DNAH6: variants seen among roughly 807,000 people sequenced by gnomAD.
The protein encoded by DNAH6 is axonemal beta dynein heavy chain 6.
Under a neutral mutation model 491.4 loss-of-function variants are expected in DNAH6, and 340 were observed. The ratio of observed to expected loss-of-function variants is 0.69; its 90% CI spans 0.63 to 0.76. DNAH6 has a LOEUF of 0.76. Among genes scored for constraint, DNAH6 ranks in the 30% least tolerant of loss-of-function variants. The pLI, the probability that DNAH6 is intolerant of heterozygous loss-of-function variation, is 0.00. For synonymous variants in DNAH6, 1,603 were observed against 1,686.1 expected (o/e 0.95, Z 1.21); for missense variants, 4,443 against 4,972.2 (o/e 0.89, Z 3.20).
chr2:84,785,875 G>C, intron 67 of DNAH6, 119 bp downstream of exon 67: 1 of 1,066,922 alleles, frequency 9.4e-7, no homozygotes, highest in Non-Finnish European at 1.3e-6. Flanking sequence ...CCCATTCTGT[G>C]TCTGAACCCA....
chr2:84,685,790 A>C (rs926827093), intron 43 of DNAH6, among the ~76,000 whole-genome samples: 1 of 152,156 alleles, frequency 6.6e-6, no homozygotes, highest in Non-Finnish European at 1.5e-5. Context: ...TCTCTACTAA[A>C]AATACCAAAA....
At chr2:84,663,568 A>G (rs544621779) in intron 37 of DNAH6, among the ~76,000 whole-genome samples, 50 of 152,274 alleles carry the variant, frequency 3.3e-4, no homozygotes, top group South Asian at 2.3e-3. Context: ...AAAGAAATGA[A>G]CAAAGCCTCC....
At chr2:84,656,498 T>C (rs1220898102) in intron 35 of DNAH6, among the ~76,000 whole-genome samples, 2 of 152,048 alleles carry the variant, frequency 1.3e-5, no homozygotes, top group Admixed American at 6.6e-5. Context: ...GGGCACGTAG[T>C]AGTATATTGT....
At chr2:84,588,462 T>C (rs1683777147) in intron 15 of DNAH6, among the ~76,000 whole-genome samples, 2 of 152,242 alleles carry the variant, frequency 1.3e-5, no homozygotes, top group East Asian at 1.9e-4. Context: ...CATTCCTTTA[T>C]TGTAAAGTGG....
chr2:84,567,782 C>A, intron 11 of DNAH6, among the ~76,000 whole-genome samples: 1 of 151,954 alleles, frequency 6.6e-6, no homozygotes, highest in East Asian at 1.9e-4. Flanking sequence ...GCAACAAAAG[C>A]AAAAATTGAC....
chr2:84,530,229 G>A (rs1305714761), intron 4 of DNAH6, among the ~76,000 whole-genome samples: 1 of 152,128 alleles, frequency 6.6e-6, no homozygotes, highest in Non-Finnish European at 1.5e-5. Context: ...ACTAAAATGT[G>A]ATAAGTATTG....
the DNAH6 span, chr2:84,459,576 C>G: frequency 9.9e-6 from 3 of 302,710 alleles, no homozygotes; most frequent in Admixed American, 9.8e-5. Context: ...TGGTTCGTAG[C>G]TTTTGAGTGA....
At chr2:84,507,377 T>A in the DNAH6 span, among the ~76,000 whole-genome samples, 1 of 152,266 alleles carries the variant, frequency 6.6e-6, no homozygotes, top group Non-Finnish European at 1.5e-5. Context: ...TGTCTGTTAT[T>A]GGTGTATAAG....
chr2:84,586,682 T>G (rs1326349471), intron 15 of DNAH6, among the ~76,000 whole-genome samples: 3 of 152,178 alleles, frequency 2.0e-5, no homozygotes, highest in Non-Finnish European at 4.4e-5. Flanking sequence ...ACTTTAGGGT[T>G]TTATTATTCA....
At chr2:84,663,806 A>G (rs1691787268) in intron 37 of DNAH6, among the ~76,000 whole-genome samples, 1 of 152,186 alleles carries the variant, frequency 6.6e-6, no homozygotes, top group African/African-American at 2.4e-5. Context: ...CAGATTCACC[A>G]AAGTTAAAAT....
intron 62 of DNAH6, among the ~76,000 whole-genome samples, chr2:84,735,573 A>G (rs1018665337): frequency 5.3e-5 from 8 of 152,116 alleles, no homozygotes; most frequent in African/African-American, 1.9e-4. Flanking sequence ...TGACTTTTTA[A>G]TAATAGCCTT....
In DNAH6 at chr2:84,594,017, C is replaced by A; in HGVS notation, c.2656C>A (p.Leu886Met). 6.4e-7 allele frequency: 1 copy of A among 1,551,064 alleles called. No individual in the cohort carries two copies. The highest frequency in any genetic ancestry group is 8.7e-7 in the Non-Finnish European group (1 of 1,146,584). The change falls in exon 17 of 77, where the codon CTG becomes ATG. Residue 886 changes from leucine to methionine, a missense_variant. Physicochemically the swap from Leu to Met is conservative, Grantham distance 15. Transcript: ENST00000389394. ...AGCTTTGGAAGAAGTCAGTGCTGAA[C>A]TGAAGCTCAAACAATTGCTCTGGGA... The part of the protein sequence containing the change: ...FEALEEVSAE[L>M]KLKQLLWDSF...
intron 64 of DNAH6, 121 bp downstream of exon 64, chr2:84,763,066 A>G: frequency 1.4e-6 from 1 of 726,302 alleles, no homozygotes; most frequent in Non-Finnish European, 2.3e-6. Context: ...CACTTACTAC[A>G]TAAATTTAAG....
At chr2:84,730,820 T>C (rs1053795131) in intron 61 of DNAH6, among the ~76,000 whole-genome samples, 1 of 152,214 alleles carries the variant, frequency 6.6e-6, no homozygotes, top group Non-Finnish European at 1.5e-5. Flanking sequence ...TTTTACACAT[T>C]ATTATTAGAG....
Position 84,706,954 on chromosome 2 carries a change from T to C in DNAH6, c.8786T>C (p.Val2929Ala), listed in dbSNP as rs1388239507. The C allele has an allele frequency of 2.6e-6, 4 of 1,544,796 alleles. No individual in the cohort carries two copies. In the African/African-American group the frequency reaches 4.1e-5, roughly 16 times the overall value. Residue 2929 changes from valine (V) to alanine (A), a missense_variant, in exon 53 of 77, where the codon GTA becomes GCA. By Grantham distance (64) the Val-to-Ala change is moderately conservative. Transcript: ENST00000389394. Reference sequence around the variant, plus strand: ...GAAAAGCAAGCATTACTAAGACAAGTAGAAGATCAAATACAGGCCTTACAA... The same window carrying C: ...GAAAAGCAAGCATTACTAAGACAAGCAGAAGATCAAATACAGGCCTTACAA... ...LREKQALLRQ[V>A]EDQIQALQDE...
intron 2 of DNAH6, among the ~76,000 whole-genome samples, chr2:84,518,616 G>A (rs572927829): frequency 6.6e-6 from 1 of 152,160 alleles, no homozygotes; most frequent in Non-Finnish European, 1.5e-5. Context: ...GCCTTCACTT[G>A]ACAAAAGTGT....
At chr2:84,515,575 G>T (rs546346564), upstream of DNAH6, among the ~76,000 whole-genome samples, 146 of 152,152 alleles carry the variant, frequency 9.6e-4, no homozygotes, top group Non-Finnish European at 1.9e-3. Context: ...CATAGAGCAA[G>T]AAACAAATAT....
upstream of DNAH6, among the ~76,000 whole-genome samples, chr2:84,514,497 C>A (rs747931283): frequency 6.6e-6 from 1 of 152,162 alleles, no homozygotes; most frequent in Non-Finnish European, 1.5e-5. Context: ...ATTTTAACTG[C>A]ATTTCCTTTT....
intron 54 of DNAH6, 29 bp downstream of exon 54, chr2:84,707,745 G>A: frequency 6.5e-7 from 1 of 1,532,310 alleles, no homozygotes; most frequent in Non-Finnish European, 8.8e-7. Context: ...TGTAAGGAGG[G>A]GTAAGAAGCA....
Sources: allele counts gnomAD v4.1 joint callset (sites outside exome capture counted in the v4.1 genomes callset), GRCh38; gene constraint gnomAD v4.1.1; transcripts MANE v1.5; gene names NCBI Gene and HGNC (gene_info 2026-07-23, HGNC 2026-07-21).